The following ACTL8 variants were observed in gnomAD, a reference collection of about 807,000 sequenced individuals.
ACTL8 encodes the protein actin-like protein 8.
Under a neutral mutation model 9.3 loss-of-function variants are expected in ACTL8, and 3 were observed. The observed-to-expected ratio is 0.32, with a 90% confidence interval of 0.15 to 0.83. The LOEUF is 0.83. ACTL8 is among the 40% of genes least tolerant of loss of function. The pLI, the probability that ACTL8 is intolerant of heterozygous loss-of-function variation, is 0.57. For synonymous variants in ACTL8, 224 were observed against 205.9 expected (o/e 1.09, Z -0.75); for missense variants, 381 against 492.2 (o/e 0.77, Z 2.14).
chr1:17,794,700 A>G (rs2066265093), intron 1 of ACTL8, among the ~76,000 whole-genome samples: 1 of 152,108 alleles, frequency 6.6e-6, no homozygotes, highest in Non-Finnish European at 1.5e-5. Context: ...AACATTTTAA[A>G]TTTCTGTATC....
Position 17,826,365 on chromosome 1 carries a change from T to A in ACTL8, c.947T>A (p.Met316Lys). The A allele has an allele frequency of 6.2e-7, 1 of 1,614,016 alleles. No individual in the cohort carries two copies. The highest frequency in any genetic ancestry group is 8.5e-7 in the Non-Finnish European group (1 of 1,179,974). Reference sequence around the variant, plus strand: ...ACAAAGCGCCTGTTCAGGGAGCTGATGGGGGATCACGTCTCCTCCACCAAG... The same window carrying A: ...ACAAAGCGCCTGTTCAGGGAGCTGAAGGGGGATCACGTCTCCTCCACCAAG... Reference protein sequence around the residue: ...GFTKRLFRELMGDHVSSTKAT... With the variant: ...GFTKRLFRELKGDHVSSTKAT... Residue 316 changes from methionine (M) to lysine (K), a missense_variant, in exon 3 of 3, where the codon ATG becomes AAG. By Grantham distance (95) the Met-to-Lys change is moderately conservative. Transcript: ENST00000375406. This position sits in a 1 kb window ranked among gnomAD's most constrained non-coding sequence, Gnocchi z 4.5.
chr1:17,779,211 GCCTCCTGGACCCCTCTC>G (rs1161193393), intron 1 of ACTL8, among the ~76,000 whole-genome samples: 1 of 151,908 alleles, frequency 6.6e-6, no homozygotes, highest in Admixed American at 6.6e-5. Context: ...GGACCCCTCT[GCCTCCTGGACCCCTCTC>G]CCTCCCACAA....
At chr1:17,804,048 A>G (rs1171371012) in intron 1 of ACTL8, among the ~76,000 whole-genome samples, 1 of 152,230 alleles carries the variant, frequency 6.6e-6, no homozygotes, top group Non-Finnish European at 1.5e-5. Context: ...AAAGAAAACA[A>G]GGAAATTGAT....
chr1:17,823,377 C>T lies in ACTL8; in HGVS notation c.348+21C>T. The T allele has an allele frequency of 6.3e-7, 1 of 1,596,740 alleles. No homozygotes were observed. Among genetic ancestry groups the T allele is most frequent in the Non-Finnish European group, 8.5e-7 (1 of 1,170,888 alleles). ...TGGAGGTGAGGCCTGCCGGGGCCTG[C>T]TCCCACTCGGGAGCGGGAAACAGAC... is the stretch of plus-strand genomic sequence containing the variant. On this transcript the variant is annotated intron_variant, in intron 2 of 2. Coordinates refer to ENST00000375406, the MANE Select transcript of ACTL8 (RefSeq NM_030812.3). The surrounding 1 kb of genome is among the most constrained non-coding windows in gnomAD (Gnocchi z 5.3).
In ACTL8 at chr1:17,825,970, C is replaced by T; in HGVS notation, c.552C>T (p.Leu184=). The T allele has an allele frequency of 2.5e-6, 4 of 1,610,042 alleles. No individual in the cohort carries two copies. The highest frequency in any genetic ancestry group is 3.4e-6 in the Non-Finnish European group (4 of 1,180,008). Residue 184 remains leucine, a synonymous_variant, in exon 3 of 3, where the codon CTC becomes CTT. Transcript: ENST00000375406. ...CCGGCCAGGATCTCTCCGCCTATCTCCTCAAGAGTCTCTTTAAGGAAGATT... is the reference window on the plus strand; with the variant it reads ...CCGGCCAGGATCTCTCCGCCTATCTTCTCAAGAGTCTCTTTAAGGAAGATT... ...EFAGQDLSAY[L]LKSLFKEDCD... is the part of the protein sequence containing the mutation.
At chr1:17,797,251 A>G (rs1334228965) in intron 1 of ACTL8, among the ~76,000 whole-genome samples, 1 of 152,140 alleles carries the variant, frequency 6.6e-6, no homozygotes, top group Non-Finnish European at 1.5e-5. Context: ...CTACTGTGGC[A>G]GTTCGCGGTG....
At chr1:17,806,692 T>C (rs940015620) in intron 1 of ACTL8, among the ~76,000 whole-genome samples, 3 of 152,202 alleles carry the variant, frequency 2.0e-5, no homozygotes, top group Non-Finnish European at 2.9e-5. Context: ...CAGGAGGACA[T>C]CCACACAGGG....
chr1:17,790,808 C>T (rs1377057861), intron 1 of ACTL8, among the ~76,000 whole-genome samples: 1 of 152,230 alleles, frequency 6.6e-6, no homozygotes, highest in African/African-American at 2.4e-5. Context: ...TTGCCCTTAG[C>T]CCTCCCTTGG....
In ACTL8 at chr1:17,822,985, G is replaced by A. The variant is rs559937741; in HGVS notation, c.-24G>A. ...CTAACCCCATCCTTTGCTTCCGCAGGTCCCACCCACCTCTGCCTCCGCCAT... is the reference window on the plus strand; with the variant it reads ...CTAACCCCATCCTTTGCTTCCGCAGATCCCACCCACCTCTGCCTCCGCCAT... On this transcript the variant is annotated splice_region_variant and 5_prime_UTR_variant, in exon 2 of 3. Transcript: ENST00000375406. 3 of 1,601,152 alleles carry A rather than the reference G, an allele frequency of 1.9e-6. No homozygotes were observed. The highest frequency in any genetic ancestry group is 8.5e-7 in the Non-Finnish European group (1 of 1,172,898).
At chr1:17,802,452 T>TGTGTGTGTGTGTGTGTGTGTGTGTG (rs2066328445) in intron 1 of ACTL8, among the ~76,000 whole-genome samples, 2 of 147,544 alleles carry the variant, frequency 1.4e-5, no homozygotes, top group Admixed American at 6.7e-5. Flanking sequence ...TGTGTGTGTG[T>TGTGTGTGTGTGTGTGTGTGTGTGTG]TGGAGGGCAG....
At chr1:17,808,642 C>G (rs776824527) in intron 1 of ACTL8, among the ~76,000 whole-genome samples, 1 of 152,168 alleles carries the variant, frequency 6.6e-6, no homozygotes, top group African/African-American at 2.4e-5. Context: ...AAGTATCATA[C>G]CCAGTGCCTG....
chr1:17,799,231 C>T (rs2066302240), intron 1 of ACTL8, among the ~76,000 whole-genome samples: 1 of 152,192 alleles, frequency 6.6e-6, no homozygotes, highest in Admixed American at 6.5e-5. Context: ...CCATTGGGCT[C>T]ACTCCCACCA....
intron 1 of ACTL8, among the ~76,000 whole-genome samples, chr1:17,808,506 G>A (rs1430376436): frequency 1.3e-5 from 2 of 152,330 alleles, no homozygotes; most frequent in Non-Finnish European, 2.9e-5. Context: ...ACACTCAAAG[G>A]TGGGTGGCGT....
intron 1 of ACTL8, among the ~76,000 whole-genome samples, chr1:17,803,432 G>A (rs148492397): frequency 0.013 from 1,987 of 152,322 alleles, 37 homozygotes; most frequent in African/African-American, 0.046. Context: ...CTGGGTTCAA[G>A]TGATTCTCCT....
At chr1:17,820,082 C>T (rs1354779432) in intron 1 of ACTL8, among the ~76,000 whole-genome samples, 1 of 152,076 alleles carries the variant, frequency 6.6e-6, no homozygotes. Flanking sequence ...CAAATGCATA[C>T]AGAAGTGTGC....
chr1:17,804,085 G>A (rs929418900), intron 1 of ACTL8, among the ~76,000 whole-genome samples: 1 of 152,172 alleles, frequency 6.6e-6, no homozygotes, highest in Non-Finnish European at 1.5e-5. Context: ...AAGCCCCAAA[G>A]GTAGTTCATG....
intron 1 of ACTL8, among the ~76,000 whole-genome samples, chr1:17,790,304 G>A (rs1193054338): frequency 6.6e-6 from 1 of 152,350 alleles, no homozygotes; most frequent in Non-Finnish European, 1.5e-5. Flanking sequence ...CTCTTCACCT[G>A]CAATGTGGTG....
rs1242759344 is a variant in ACTL8, at chr1:17,767,925, C to T, written c.-25+12421C>T. 1.3e-5 allele frequency among the ~76,000 whole-genome samples: 2 copies of T among 151,942 alleles called. No individual in the cohort carries two copies. The highest frequency in any genetic ancestry group is 2.1e-4 in the South Asian group (1 of 4,822). ...TCCCTGGGTGTGCAGAATGGGTGCT[C>T]GTGAATCCCTCTGGTGGGACTGGGT... On this transcript the variant is annotated intron_variant, in intron 1 of 2. Coordinates refer to ENST00000375406, the MANE Select transcript of ACTL8 (RefSeq NM_030812.3). This position sits in a 1 kb window ranked among gnomAD's most constrained non-coding sequence, Gnocchi z 4.7.
intron 2 of ACTL8, among the ~76,000 whole-genome samples, chr1:17,825,456 C>A (rs960073310): frequency 6.6e-6 from 1 of 152,132 alleles, no homozygotes; most frequent in Non-Finnish European, 1.5e-5. Context: ...ACATGTGACC[C>A]GTGGCCATGT....
Sources: gnomAD v4.1 joint callset for allele counts (sites outside exome capture counted in the v4.1 genomes callset) on GRCh38, gnomAD v4.1.1 for gene constraint, Gnocchi (gnomAD v3.1) non-coding constraint, MANE v1.5 for transcripts, NCBI Gene and HGNC (gene_info 2026-07-23, HGNC 2026-07-21) for gene names.